CCDC27: variants seen among roughly 807,000 people sequenced by gnomAD.
CCDC27 encodes coiled-coil domain containing 27.
Under a neutral mutation model 80.3 loss-of-function variants are expected in CCDC27, and 80 were observed. The ratio of observed to expected loss-of-function variants is 1.00; its 90% confidence interval spans 0.83 to 1.20. CCDC27 has a LOEUF of 1.20. Among genes scored for constraint, CCDC27 ranks in the 50% most tolerant of loss-of-function variants. The pLI is 0.00. For missense variants in CCDC27, 815 were observed against 809.4 expected, an observed-to-expected ratio of 1.01 and a Z score of -0.08; for synonymous variants, 342 against 334.3, an observed-to-expected ratio of 1.02 and a Z score of -0.25.
At chr1:3,765,848 G>GTTTCT (rs764997596) in intron 8 of CCDC27, among the ~76,000 whole-genome samples, 9 of 150,040 alleles carry the variant, frequency 6.0e-5, no homozygotes, top group Non-Finnish European at 1.2e-4. Context: ...TTAATGGAGA[G>GTTTCT]TTTCTTTTCT....
intron 10 of CCDC27, among the ~76,000 whole-genome samples, chr1:3,767,657 G>A (rs2124597596): frequency 6.6e-6 from 1 of 152,382 alleles, no homozygotes; most frequent in South Asian, 2.1e-4. Context: ...GCCCGGAAAT[G>A]TTCGTCAATG....
At chr1:3,770,292 G>A (rs548565085) in intron 11 of CCDC27, among the ~76,000 whole-genome samples, 274 of 152,270 alleles carry the variant, frequency 1.8e-3, no homozygotes, top group Non-Finnish European at 2.9e-3. Context: ...GGGCCCTGGT[G>A]CAGACCCCTC....
At position 3,763,640 on chromosome 1, in the gene CCDC27, G is replaced by A; in HGVS notation, c.1322-66G>A. ...CCCTCCCAGCTGCCGCAGTGGCCCG[G>A]CCCTCTCCTTCTGTCCCTCACTGCC... On this transcript the variant is annotated intron_variant, in intron 7 of 11. Coordinates refer to ENST00000294600, the MANE Select transcript of CCDC27 (RefSeq NM_152492.3). This position sits in a 1 kb window ranked among gnomAD's most constrained non-coding sequence, Gnocchi z 7.5. The A allele has an allele frequency of 6.2e-7, 1 of 1,602,094 alleles. No homozygotes were observed. Among genetic ancestry groups the A allele is most frequent in the Non-Finnish European group, 8.5e-7 (1 of 1,170,820 alleles).
In CCDC27 at chr1:3,760,565, T is replaced by A. The variant is rs556426963; in HGVS notation, c.712-716T>A. On this transcript the variant is annotated intron_variant, in intron 4 of 11. Transcript: ENST00000294600. This position sits in a 1 kb window ranked among gnomAD's most constrained non-coding sequence, Gnocchi z 4.3. ...TCCCACGAGCTTTGATGTGTCCGGATGTTCATTATCAGTTTAAAATGTTTC... is the reference window on the plus strand; with the variant it reads ...TCCCACGAGCTTTGATGTGTCCGGAAGTTCATTATCAGTTTAAAATGTTTC... Among the ~76,000 whole-genome samples the A allele has an allele frequency of 6.6e-6, 1 of 152,348 alleles. No individual in the cohort carries two copies. Among genetic ancestry groups the A allele is most frequent in the South Asian group, 2.1e-4 (1 of 4,834 alleles).
intron 3 of CCDC27, chr1:3,756,048 T>A (rs1464111935): frequency 1.2e-5 from 2 of 162,052 alleles, no homozygotes; most frequent in South Asian, 3.5e-4. Context: ...AGTTTAAAGA[T>A]GGAGAAACTG....
chr1:3,762,468 C>G, intron 5 of CCDC27, 152 bp from the exon 6 acceptor site: 1 of 636,228 alleles, frequency 1.6e-6, no homozygotes, highest in Non-Finnish European at 2.7e-6. Flanking sequence ...TCCACTGCCA[C>G]AGCACCCACA....
At chr1:3,757,819 G>T (rs1642993468) in intron 4 of CCDC27, among the ~76,000 whole-genome samples, 2 of 151,830 alleles carry the variant, frequency 1.3e-5, no homozygotes, top group African/African-American at 4.8e-5. Context: ...CTACTTGGGA[G>T]GCTGAGGCAG....
At chr1:3,762,533 GCTGTCCCTTCTAGGACAGGCAGTGGT>G in intron 5 of CCDC27, 61 bp from the exon 6 acceptor site, 3 of 1,045,466 alleles carry the variant, frequency 2.9e-6, no homozygotes, top group Non-Finnish European at 4.2e-6. Context: ...ATGAGAGGCC[GCTGTCCCTTCTAGGACAGGCAGTGGT>G]CTGTCCCTGG....
rs1643249776 is a variant in CCDC27 at position 3,767,323 on chromosome 1, G to A, written c.1621G>A (p.Glu541Lys). 6.2e-7 allele frequency: 1 copy of A among 1,613,922 alleles called. No homozygotes were observed. The highest frequency in any genetic ancestry group is 1.7e-5 in the Admixed American group (1 of 60,000). The change falls in exon 10 of 12, where the codon GAA (glutamate) becomes AAA (lysine). Residue 541 changes from glutamate to lysine, a missense_variant. By Grantham distance (56) the Glu-to-Lys change is moderately conservative. Transcript: ENST00000294600. ...GGTCAGCCAGCTGCAGGAGCAGGTG[G>A]AACTGGACCAGAACCACCTGCAGAG... ...TKVSQLQEQV[E>K]LDQNHLQRWK...
chr1:3,752,871 T>TA (rs1239444391), intron 1 of CCDC27, 72 bp downstream of exon 1: 1 of 1,482,788 alleles, frequency 6.7e-7, no homozygotes, highest in Non-Finnish European at 9.1e-7. Context: ...CAAAGGCCCA[T>TA]AGAGCTGTCA....
At position 3,769,672 on chromosome 1, in the gene CCDC27, G is replaced by T. The variant is rs1010875333; in HGVS notation, c.1744-111G>T. The T allele has an allele frequency of 2.7e-5, 20 of 741,840 alleles. No homozygotes were observed. The Admixed American group carries it at 3.7e-4, about 14-fold the overall frequency. The allele number at this position is 741,840 out of a possible 1,614,324, so 46.0% of individuals were successfully genotyped here. ...GTTTCTAAAGCCATGAAAAGTGAGGGTGAGCTGTTCCTTCCTGGTACATAA... is the reference window on the plus strand; with the variant it reads ...GTTTCTAAAGCCATGAAAAGTGAGGTTGAGCTGTTCCTTCCTGGTACATAA... On this transcript the variant is annotated intron_variant, in intron 10 of 11. Coordinates refer to ENST00000294600, the MANE Select transcript of CCDC27 (RefSeq NM_152492.3). The surrounding 1 kb of genome is among the most constrained non-coding windows in gnomAD (Gnocchi z 4.6).
At chr1:3,754,380 T>C in intron 2 of CCDC27, 139 bp downstream of exon 2, 1 of 1,165,232 alleles carries the variant, frequency 8.6e-7, no homozygotes. Flanking sequence ...GCTTTTGAAA[T>C]CCGCTCTGTG....
intron 4 of CCDC27, among the ~76,000 whole-genome samples, chr1:3,758,421 C>T (rs937451361): frequency 1.3e-5 from 2 of 151,322 alleles, no homozygotes; most frequent in Admixed American, 6.6e-5. Context: ...CTCTTGACTT[C>T]GTGATCTACC....
intron 8 of CCDC27, among the ~76,000 whole-genome samples, chr1:3,764,172 G>T (rs190579021): frequency 6.6e-6 from 1 of 152,176 alleles, no homozygotes; most frequent in Non-Finnish European, 1.5e-5. Context: ...CGCCCTATCC[G>T]TGCTTAGAGA....
At chr1:3,756,929 C>T (rs1642972568) in intron 4 of CCDC27, 39 bp downstream of exon 4, 2 of 1,590,072 alleles carry the variant, frequency 1.3e-6, no homozygotes, top group East Asian at 2.3e-5. Context: ...CCCCCCACCC[C>T]TCTCTCTGCG....
chr1:3,766,722 A>G lies in CCDC27; in HGVS notation c.1530+110A>G, dbSNP rs531124757. 5.0e-6 allele frequency: 4 copies of G among 800,338 alleles called. No homozygotes were observed. Among genetic ancestry groups the G allele is most frequent in the South Asian group, 4.8e-5 (3 of 62,782 alleles). The allele number at this position is 800,338 out of a possible 1,614,324, so 49.6% of individuals were successfully genotyped here. On this transcript the variant is annotated intron_variant, in intron 9 of 11. Transcript: ENST00000294600. This position sits in a 1 kb window ranked among gnomAD's most constrained non-coding sequence, Gnocchi z 6.1. ...GGAGCGTCTTCACAGCTGAGCCAGG[A>G]CCCCTTCGGTAGCATGCCACTCGAC...
At chr1:3,758,020 G>A (rs1329167828) in intron 4 of CCDC27, among the ~76,000 whole-genome samples, 1 of 151,922 alleles carries the variant, frequency 6.6e-6, no homozygotes, top group Non-Finnish European at 1.5e-5. Context: ...CTCCCAAAGT[G>A]CTGTGATTAG....
chr1:3,757,146 C>T, intron 4 of CCDC27: 1 of 359,422 alleles, frequency 2.8e-6, no homozygotes, highest in East Asian at 5.0e-5. Flanking sequence ...TCCAACCGTC[C>T]ACACATCTTT....
At position 3,767,288 on chromosome 1, in the gene CCDC27, T is replaced by C; in HGVS notation, c.1586T>C (p.Leu529Ser). Residue 529 changes from leucine (L) to serine (S), a missense_variant, in exon 10 of 12, where the codon TTG becomes TCG. Coordinates refer to ENST00000294600, the MANE Select transcript of CCDC27 (RefSeq NM_152492.3). ...AAGCGGGACTGTGTCATCTCAGAGT[T>C]GGACACCAAGGTCAGCCAGCTGCAG... ...LTKRDCVISE[L>S]DTKVSQLQEQ... is the part of the protein sequence containing the mutation. 1 of 1,614,074 alleles carries C rather than the reference T, an allele frequency of 6.2e-7. No homozygotes were observed. The highest frequency in any genetic ancestry group is 8.5e-7 in the Non-Finnish European group (1 of 1,180,022).
Sources: allele counts gnomAD v4.1 joint callset (sites outside exome capture counted in the v4.1 genomes callset), GRCh38; gene constraint gnomAD v4.1.1; non-coding constraint Gnocchi (gnomAD v3.1); transcripts MANE v1.5; gene names NCBI Gene and HGNC (gene_info 2026-07-23, HGNC 2026-07-21).